Variants in FSTL4 observed in about 807,000 individuals in gnomAD.
The protein encoded by FSTL4 is follistatin like 4, also known as follistatin-related protein 4.
FSTL4 carries 28 observed loss-of-function variants against 78.2 expected under a neutral mutation model. The ratio of observed to expected loss-of-function variants is 0.36; its 90% confidence interval spans 0.27 to 0.49. FSTL4 has a LOEUF of 0.49. Ranked by LOEUF, FSTL4 falls within the 20% of genes least tolerant of loss-of-function variation. The pLI is 0.98. For synonymous variants in FSTL4, 422 were observed against 440.5 expected (o/e 0.96, Z 0.53); for missense variants, 922 against 1,084.9 (o/e 0.85, Z 2.11).
At chr5:133,503,261 A>C (rs1366603) in intron 3 of FSTL4, among the ~76,000 whole-genome samples, 79,042 of 152,014 alleles carry the variant, frequency 0.52, 20,994 homozygotes, top group African/African-American at 0.61. Flanking sequence ...CGGAGATATG[A>C]TGGTAAATGT....
the FSTL4 span, among the ~76,000 whole-genome samples, chr5:133,734,411 T>C: frequency 3.3e-5 from 5 of 152,152 alleles, no homozygotes; most frequent in Admixed American, 2.0e-4. Context: ...ACAAAATATG[T>C]GGAGGTGTTA....
At chr5:133,234,050 T>G (rs1751586035) in intron 7 of FSTL4, among the ~76,000 whole-genome samples, 1 of 152,194 alleles carries the variant, frequency 6.6e-6, no homozygotes, top group Non-Finnish European at 1.5e-5. Flanking sequence ...GAAAATAGCC[T>G]TCAAGACACA....
chr5:133,768,739 G>A, the FSTL4 span, among the ~76,000 whole-genome samples: 10 of 152,334 alleles, frequency 6.6e-5, no homozygotes, highest in African/African-American at 2.2e-4. Flanking sequence ...CAGCAGAAAG[G>A]TTACCCTGAA....
the FSTL4 span, among the ~76,000 whole-genome samples, chr5:133,700,100 T>A: frequency 6.6e-6 from 1 of 151,952 alleles, no homozygotes; most frequent in African/African-American, 2.4e-5. Flanking sequence ...ACACATCGAG[T>A]AGCATCAGAG....
chr5:133,321,938 A>C (rs1754067587), intron 4 of FSTL4, among the ~76,000 whole-genome samples: 1 of 152,226 alleles, frequency 6.6e-6, no homozygotes, highest in Admixed American at 6.5e-5. Flanking sequence ...TTCTGCCCAC[A>C]TGTTTGGAAA....
intron 2 of FSTL4, chr5:133,575,178 A>G (rs1168648777): frequency 1.3e-5 from 2 of 152,222 alleles, no homozygotes; most frequent in Non-Finnish European, 2.9e-5. Context: ...GTACTGAGGG[A>G]AAGACTGCAA....
chr5:133,409,664 G>C (rs1268741298), intron 3 of FSTL4, among the ~76,000 whole-genome samples: 2 of 152,232 alleles, frequency 1.3e-5, no homozygotes, highest in African/African-American at 4.8e-5. Flanking sequence ...GTTGGGACCA[G>C]GCTCCACTTC....
chr5:133,610,221 G>T (rs867388040), intron 1 of FSTL4, among the ~76,000 whole-genome samples: 1 of 152,106 alleles, frequency 6.6e-6, no homozygotes, highest in South Asian at 2.1e-4. Flanking sequence ...GGGCACAGCC[G>T]AAAGGATAAA....
intron 15 of FSTL4, 39 bp downstream of exon 15, chr5:133,201,894 A>G (rs368782952): frequency 1.9e-5 from 22 of 1,186,200 alleles, no homozygotes; most frequent in Non-Finnish European, 2.6e-5. Flanking sequence ...GCTGAGCTGG[A>G]GCGGGGAGTG....
chr5:133,241,056 G>A (rs1751856293), intron 7 of FSTL4, among the ~76,000 whole-genome samples: 1 of 152,230 alleles, frequency 6.6e-6, no homozygotes. Context: ...TGGACACCGA[G>A]GCCTGGGTGA....
intron 3 of FSTL4, among the ~76,000 whole-genome samples, chr5:133,554,390 C>A (rs1041818222): frequency 2.6e-5 from 4 of 152,208 alleles, no homozygotes. Context: ...CCATGACACT[C>A]GCGTCCTAAT....
intron 4 of FSTL4, among the ~76,000 whole-genome samples, chr5:133,369,878 A>G (rs547324286): frequency 1.3e-4 from 20 of 152,292 alleles, no homozygotes; most frequent in African/African-American, 4.6e-4. Flanking sequence ...CCCTGGTGGC[A>G]GAGGACACAG....
At chr5:133,789,643 G>C in the FSTL4 span, among the ~76,000 whole-genome samples, 1 of 152,204 alleles carries the variant, frequency 6.6e-6, no homozygotes, top group Non-Finnish European at 1.5e-5. Context: ...AAGTACCACC[G>C]ACTGGGTGGC....
chr5:133,625,374 T>C, the FSTL4 span, among the ~76,000 whole-genome samples: 1 of 151,732 alleles, frequency 6.6e-6, no homozygotes, highest in Non-Finnish European at 1.5e-5. Flanking sequence ...TTATTTCATT[T>C]AATTTTAGTT....
At chr5:133,581,736 A>G (rs1253027104) in intron 2 of FSTL4, among the ~76,000 whole-genome samples, 2 of 152,238 alleles carry the variant, frequency 1.3e-5, no homozygotes, top group Admixed American at 6.5e-5. Flanking sequence ...CATACCCTAA[A>G]CCAATTAAAT....
At chr5:133,445,418 C>A (rs979290187) in intron 3 of FSTL4, among the ~76,000 whole-genome samples, 7 of 152,148 alleles carry the variant, frequency 4.6e-5, no homozygotes, top group Non-Finnish European at 8.8e-5. Context: ...CGGGGCAGCA[C>A]AGGCCAGGGA....
At chr5:133,824,588 G>GTT in the FSTL4 span, among the ~76,000 whole-genome samples, 1 of 152,130 alleles carries the variant, frequency 6.6e-6, no homozygotes, top group Non-Finnish European at 1.5e-5. Flanking sequence ...TAAACAAGAG[G>GTT]TGATGCATGA....
chr5:133,299,173 G>A (rs1416116841), intron 6 of FSTL4, among the ~76,000 whole-genome samples: 2 of 152,110 alleles, frequency 1.3e-5, no homozygotes, highest in Non-Finnish European at 2.9e-5. Flanking sequence ...GGGGCCTGTG[G>A]TCTCAAGGGC....
the FSTL4 span, among the ~76,000 whole-genome samples, chr5:133,735,684 G>A: frequency 1.4e-3 from 211 of 152,260 alleles, 3 homozygotes; most frequent in South Asian, 6.2e-4. Flanking sequence ...ACCTGCTAGC[G>A]TGGGTCTATT....
Sources: gnomAD v4.1 joint callset for allele counts (sites outside exome capture counted in the v4.1 genomes callset) on GRCh38, gnomAD v4.1.1 for gene constraint, MANE v1.5 for transcripts, NCBI Gene and HGNC (gene_info 2026-07-23, HGNC 2026-07-21) for gene names.